RHOBTB1: variants seen among roughly 807,000 people sequenced by gnomAD.
RHOBTB1 encodes rho-related BTB domain-containing protein 1.
A neutral mutation model predicts 71.6 loss-of-function variants in RHOBTB1; 40 were observed. That is an observed-to-expected ratio of 0.56 (90% CI 0.43 to 0.73). The LOEUF (loss-of-function observed/expected upper bound fraction) is 0.73. Ranked by LOEUF, RHOBTB1 falls within the 30% of genes least tolerant of loss-of-function variation. The probability of loss-of-function intolerance (pLI) is 0.00; values close to 1 mark genes in which losing one functional copy is unlikely to be tolerated. For missense variants in RHOBTB1, 797 were observed against 894.0 expected (o/e 0.89, Z 1.38); for synonymous variants, 319 against 334.9 (o/e 0.95, Z 0.52).
chr10:60,929,129 C>T (rs1198084529), intron 2 of RHOBTB1, among the ~76,000 whole-genome samples: 27 of 152,080 alleles, frequency 1.8e-4, no homozygotes, highest in Non-Finnish European at 2.6e-4. Context: ...CAATCACCTC[C>T]CACCAGGCCC....
intron 1 of RHOBTB1, among the ~76,000 whole-genome samples, chr10:60,990,950 C>T (rs1373977008): frequency 6.6e-6 from 1 of 152,190 alleles, no homozygotes; most frequent in Non-Finnish European, 1.5e-5. Flanking sequence ...AACTTAGCAT[C>T]TGTTTTCACA....
chr10:60,884,709 T>A (rs746660825), intron 7 of RHOBTB1, among the ~76,000 whole-genome samples: 15 of 152,132 alleles, frequency 9.9e-5, no homozygotes, highest in Non-Finnish European at 1.9e-4. Context: ...TAAAGGATAT[T>A]ATGTTAAGTG....
rs2080726898 is a variant in RHOBTB1 at position 60,870,463 on chromosome 10, A to C, written c.*1019T>G. 1 of 152,226 alleles carries C rather than the reference A, an allele frequency of 6.6e-6. No homozygotes were observed. Among genetic ancestry groups the C allele is most frequent in the African/African-American group, 2.4e-5 (1 of 41,454 alleles). 9.4% of individuals were successfully genotyped at this position (152,226 alleles called of 1,614,324 possible). A position where few individuals can be genotyped will look rare whatever the true frequency, so the allele number is the denominator to read the frequency against. ...AAGAGTTAAAAATATGGGTCTTACA[A>C]AGTGAAGTTGGCCACAGGTGAGAAG... is the stretch of plus-strand genomic sequence containing the variant. On this transcript the variant is annotated 3_prime_UTR_variant, in exon 11 of 11. Transcript: ENST00000337910.
chr10:60,871,715 C>G, intron 10 of RHOBTB1, 64 bp from the exon 11 acceptor site: 1 of 1,478,374 alleles, frequency 6.8e-7, no homozygotes, highest in East Asian at 2.3e-5. Flanking sequence ...TGTGCTAGGC[C>G]TTGAGCTTAA....
At chr10:60,894,693 T>C (rs1290607884) in intron 4 of RHOBTB1, among the ~76,000 whole-genome samples, 1 of 152,168 alleles carries the variant, frequency 6.6e-6, no homozygotes, top group Non-Finnish European at 1.5e-5. Context: ...ACCATGAATT[T>C]TGGTACAGTG....
chr10:60,862,674 CTT>C, the RHOBTB1 span, among the ~76,000 whole-genome samples: 1 of 142,018 alleles, frequency 7.0e-6, no homozygotes, highest in Non-Finnish European at 1.5e-5. Flanking sequence ...TTTCTTTCCT[CTT>C]TCTCTTTACT....
chr10:60,952,000 G>A (rs965853797), intron 2 of RHOBTB1, among the ~76,000 whole-genome samples: 1 of 152,074 alleles, frequency 6.6e-6, no homozygotes, highest in African/African-American at 2.4e-5. Flanking sequence ...GGAGGTTGCA[G>A]TGAGCTGAGA....
chr10:60,981,383 G>T (rs1472160507), intron 2 of RHOBTB1, among the ~76,000 whole-genome samples: 1 of 152,180 alleles, frequency 6.6e-6, no homozygotes, highest in East Asian at 1.9e-4. Context: ...GCCCTACAAG[G>T]TAAATTTATG....
intron 6 of RHOBTB1, among the ~76,000 whole-genome samples, chr10:60,886,879 CTT>C (rs1216746070): frequency 2.8e-5 from 4 of 143,876 alleles, no homozygotes; most frequent in Admixed American, 1.4e-4. Context: ...TGTGTATAGA[CTT>C]TTTTTTTTTT....
chr10:60,955,373 G>T (rs1013846559), intron 2 of RHOBTB1, among the ~76,000 whole-genome samples: 1 of 152,056 alleles, frequency 6.6e-6, no homozygotes, highest in African/African-American at 2.4e-5. Flanking sequence ...GTTTTAAAAT[G>T]CCACAATTCA....
chr10:61,001,422 G>C (rs926992387), exon 1 of RHOBTB1: 1 of 151,546 alleles, frequency 6.6e-6, no homozygotes, highest in African/African-American at 2.4e-5. Context: ...AAGCTCCCGC[G>C]GCGGCTCTGG....
intron 7 of RHOBTB1, among the ~76,000 whole-genome samples, chr10:60,883,832 T>C (rs1174890395): frequency 6.6e-6 from 1 of 152,230 alleles, no homozygotes; most frequent in African/African-American, 2.4e-5. Context: ...CAGATCAGGA[T>C]ACTAGAGCCA....
intron 1 of RHOBTB1, among the ~76,000 whole-genome samples, chr10:60,986,432 A>ATATATAT (rs66585379): frequency 1.9e-4 from 14 of 74,328 alleles, no homozygotes; most frequent in South Asian, 1.4e-3. Flanking sequence ...TATATATATA[A>ATATATAT]AATATATATA....
chr10:60,944,503 G>C (rs977869924), upstream of RHOBTB1, among the ~76,000 whole-genome samples: 2 of 152,144 alleles, frequency 1.3e-5, no homozygotes, highest in African/African-American at 4.8e-5. Flanking sequence ...ACAGAGCATG[G>C]GAGACCCCGG....
intron 2 of RHOBTB1, among the ~76,000 whole-genome samples, chr10:60,935,364 GC>G (rs1230055041): frequency 1.1e-4 from 16 of 152,246 alleles, no homozygotes; most frequent in African/African-American, 3.4e-4. Flanking sequence ...GCTTCTGGGT[GC>G]TGGTAATGTT....
the RHOBTB1 span, among the ~76,000 whole-genome samples, chr10:60,863,078 GGTGAT>G: frequency 6.6e-6 from 1 of 152,112 alleles, no homozygotes; most frequent in East Asian, 1.9e-4. Flanking sequence ...GCATGTGTAG[GGTGAT>G]GATGGGGGTG....
In RHOBTB1 at chr10:60,871,593, T is replaced by G. The variant is rs1490299842; in HGVS notation, c.1980A>C (p.Glu660Asp). Residue 660 changes from glutamate to aspartate, a missense_variant, in exon 11 of 11, where the codon GAA (glutamate) becomes GAC (aspartate). By Grantham distance (45) the Glu-to-Asp change is conservative (BLOSUM62 2). This residue lies in a region of RHOBTB1 where 658 missense variants were observed against 681.5 expected (regional missense o/e 0.97). Transcript: ENST00000337910. ...CCCTTTTCACACGCTGGTAGTGATC[T>G]TCTTCCTTCAGGTACCACACAGGGG... The part of the protein sequence containing the change: ...RWPPVWYLKE[E>D]DHYQRVKRER... 1 of 1,614,032 alleles carries G rather than the reference T, an allele frequency of 6.2e-7. No homozygotes were observed. Among genetic ancestry groups the G allele is most frequent in the Non-Finnish European group, 8.5e-7 (1 of 1,179,988 alleles).
At chr10:60,988,360 T>C (rs1273676876) in intron 1 of RHOBTB1, among the ~76,000 whole-genome samples, 2 of 152,178 alleles carry the variant, frequency 1.3e-5, no homozygotes, top group Non-Finnish European at 2.9e-5. Context: ...GTTTGTTACA[T>C]AGATATAATG....
chr10:60,871,265 G>A lies in RHOBTB1; in HGVS notation c.*217C>T. On this transcript the variant is annotated 3_prime_UTR_variant, in exon 11 of 11. Transcript: ENST00000337910. ...AAATATACATATCAGTTTAAGGAAT[G>A]CAGTGAGAGTCAGCTTCCCTTTTTG... 2.1e-6 allele frequency: 1 copy of A among 472,558 alleles called. No homozygotes were observed. The highest frequency in any genetic ancestry group is 3.7e-6 in the Non-Finnish European group (1 of 270,792). 29.3% of individuals were successfully genotyped at this position (472,558 alleles called of 1,614,324 possible).
Sources: allele counts gnomAD v4.1 joint callset (sites outside exome capture counted in the v4.1 genomes callset), GRCh38; gene constraint gnomAD v4.1.1; regional missense constraint gnomAD v4.1.1; transcripts MANE v1.5; gene names NCBI Gene and HGNC (gene_info 2026-07-23, HGNC 2026-07-21).